Variants in RGS7 observed in about 807,000 individuals in gnomAD.
RGS7 encodes regulator of G-protein signaling 7.
In RGS7, 27 loss-of-function variants were observed where a neutral mutation model predicts 81.1. That is an observed-to-expected ratio of 0.33 (90% CI 0.25 to 0.46). The LOEUF (loss-of-function observed/expected upper bound fraction) is 0.46. Ranked by LOEUF, RGS7 falls within the 20% of genes least tolerant of loss-of-function variation. The probability of loss-of-function intolerance (pLI) is 1.00; values close to 1 mark genes in which losing one functional copy is unlikely to be tolerated. For synonymous variants in RGS7, 208 were observed against 207.7 expected (o/e 1.00, Z -0.01); for missense variants, 396 against 607.4 (o/e 0.65, Z 3.66).
intron 6 of RGS7, among the ~76,000 whole-genome samples, chr1:240,900,834 C>T (rs750844450): frequency 3.7e-4 from 57 of 152,298 alleles, no homozygotes; most frequent in Non-Finnish European, 7.8e-4. Context: ...CAGACAGGGG[C>T]GTTTAAGTCT....
intron 18 of RGS7, among the ~76,000 whole-genome samples, chr1:240,796,830 A>C (rs1247820985): frequency 6.6e-6 from 1 of 152,172 alleles, no homozygotes; most frequent in Non-Finnish European, 1.5e-5. Context: ...TTAGGAGCTC[A>C]ATCCACCAGC....
intron 2 of RGS7, among the ~76,000 whole-genome samples, chr1:241,299,585 T>C (rs2079612970): frequency 6.6e-6 from 1 of 151,878 alleles, no homozygotes; most frequent in South Asian, 2.1e-4. Context: ...TATCACTACA[T>C]ATCCAGCATC....
intron 9 of RGS7, among the ~76,000 whole-genome samples, chr1:240,862,712 T>C (rs1662436319): frequency 6.6e-6 from 1 of 152,194 alleles, no homozygotes; most frequent in Non-Finnish European, 1.5e-5. Flanking sequence ...CAGGAAAATA[T>C]AATGACATAA....
At chr1:240,799,292 T>C (rs1687632223) in intron 18 of RGS7, among the ~76,000 whole-genome samples, 1 of 140,374 alleles carries the variant, frequency 7.1e-6, no homozygotes, top group Non-Finnish European at 1.6e-5. Flanking sequence ...TATGTTTGTG[T>C]GTGTGTGTGT....
chr1:241,225,872 T>C (rs2075285177), intron 2 of RGS7, among the ~76,000 whole-genome samples: 1 of 152,224 alleles, frequency 6.6e-6, no homozygotes. Context: ...TGGCTCTGTT[T>C]TGCTGCCACT....
chr1:241,082,069 T>C (rs1472352153), intron 3 of RGS7, among the ~76,000 whole-genome samples: 3 of 152,214 alleles, frequency 2.0e-5, no homozygotes, highest in Non-Finnish European at 4.4e-5. Context: ...ATTTTCCCTT[T>C]ATGGAATAGA....
intron 2 of RGS7, among the ~76,000 whole-genome samples, chr1:241,110,873 TG>T (rs2065467382): frequency 6.6e-6 from 1 of 151,974 alleles, no homozygotes; most frequent in Non-Finnish European, 1.5e-5. Flanking sequence ...TTAGTAGAGA[TG>T]GGGTTTCACC....
chr1:241,068,238 G>GTATATATATATATATATATA, intron 3 of RGS7, among the ~76,000 whole-genome samples: 1 of 35,676 alleles, frequency 2.8e-5, no homozygotes, highest in African/African-American at 9.5e-5. Flanking sequence ...GTGTGTGTGT[G>GTATATATATATATATATATA]TATATATATA....
intron 3 of RGS7, among the ~76,000 whole-genome samples, chr1:241,044,946 T>C (rs2148783305): frequency 6.6e-6 from 1 of 152,346 alleles, no homozygotes; most frequent in East Asian, 1.9e-4. Flanking sequence ...CTCTGGCTGA[T>C]TTTCTCAGTC....
At chr1:241,318,225 A>C (rs1017186591) in intron 2 of RGS7, among the ~76,000 whole-genome samples, 1 of 152,178 alleles carries the variant, frequency 6.6e-6, no homozygotes. Context: ...GCAATCACAC[A>C]CTAATGGAAG....
At chr1:240,971,527 G>C (rs1257181782) in intron 4 of RGS7, among the ~76,000 whole-genome samples, 1 of 152,240 alleles carries the variant, frequency 6.6e-6, no homozygotes, top group African/African-American at 2.4e-5. Flanking sequence ...GGAAGCTCCA[G>C]CTGCAGTAGC....
At chr1:240,811,727 T>C (rs938434781) in intron 14 of RGS7, among the ~76,000 whole-genome samples, 191 bp downstream of exon 14, 5 of 152,230 alleles carry the variant, frequency 3.3e-5, no homozygotes, top group African/African-American at 1.2e-4. Flanking sequence ...AAATAAGTTA[T>C]AAGAAATTGA....
intron 9 of RGS7, among the ~76,000 whole-genome samples, chr1:240,855,134 G>A (rs1354919943): frequency 6.6e-6 from 1 of 151,486 alleles, no homozygotes; most frequent in African/African-American, 2.4e-5. Context: ...GTTTCTCTAG[G>A]TATCTATTTT....
At chr1:241,346,314 C>T (rs187807298) in intron 2 of RGS7, among the ~76,000 whole-genome samples, 37 of 152,260 alleles carry the variant, frequency 2.4e-4, no homozygotes, top group Middle Eastern at 3.4e-3. Flanking sequence ...AAATAAGCTC[C>T]GCGATGGTTC....
At chr1:241,241,973 G>C (rs557655133) in intron 2 of RGS7, among the ~76,000 whole-genome samples, 1 of 150,828 alleles carries the variant, frequency 6.6e-6, no homozygotes, top group Non-Finnish European at 1.5e-5. Flanking sequence ...GATTTTCATA[G>C]GTTTTGGGAA....
At chr1:240,993,263 AAGAAAAAGAAAGAAAGAG>A (rs2148598686) in intron 3 of RGS7, among the ~76,000 whole-genome samples, 1 of 151,708 alleles carries the variant, frequency 6.6e-6, no homozygotes, top group African/African-American at 2.4e-5. Flanking sequence ...GAAAGAAAGA[AAGAAAAAGAAAGAAAGAG>A]AGAGAGAGAG....
intron 3 of RGS7, among the ~76,000 whole-genome samples, chr1:240,999,613 G>A (rs1687825775): frequency 6.6e-6 from 1 of 152,032 alleles, no homozygotes; most frequent in Admixed American, 6.6e-5. Context: ...TGTTGTTGTT[G>A]TTGTTAATAC....
chr1:240,930,376 G>A (rs1324440103), intron 6 of RGS7, among the ~76,000 whole-genome samples: 1 of 152,096 alleles, frequency 6.6e-6, no homozygotes, highest in East Asian at 1.9e-4. Context: ...AAGTGGGAGA[G>A]TTGAACTAGA....
At chr1:240,944,273 T>TGA (rs1429653994) in intron 4 of RGS7, among the ~76,000 whole-genome samples, 8 of 21,598 alleles carry the variant, frequency 3.7e-4, no homozygotes, top group Admixed American at 1.9e-3. Flanking sequence ...TGTGTGTGTG[T>TGA]GTGTGTGTGT....
Sources: allele counts gnomAD v4.1 joint callset (sites outside exome capture counted in the v4.1 genomes callset), GRCh38; gene constraint gnomAD v4.1.1; transcripts MANE v1.5; gene names NCBI Gene and HGNC (gene_info 2026-07-23, HGNC 2026-07-21).